Variants in RPAP2 observed in about 807,000 individuals in gnomAD.
The protein encoded by RPAP2 is RNA polymerase II associated protein 2.
In RPAP2, 52 loss-of-function variants were observed where a neutral mutation model predicts 73.1. That is an observed-to-expected ratio of 0.71 (90% CI 0.57 to 0.90). The LOEUF (loss-of-function observed/expected upper bound fraction) is 0.90. Ranked by LOEUF, RPAP2 falls within the 40% of genes least tolerant of loss-of-function variation. The pLI, the probability that RPAP2 is intolerant of heterozygous loss-of-function variation, is 0.00. For missense variants in RPAP2, 598 were observed against 701.8 expected, an observed-to-expected ratio of 0.85 and a Z score of 1.67; for synonymous variants, 225 against 242.1, an observed-to-expected ratio of 0.93 and a Z score of 0.65.
intron 11 of RPAP2, among the ~76,000 whole-genome samples, chr1:92,357,987 C>T (rs771371996): frequency 6.6e-6 from 1 of 152,246 alleles, no homozygotes; most frequent in South Asian, 2.1e-4. Context: ...GGTGCAGTGG[C>T]GTGATCATAG....
At position 92,323,391 on chromosome 1, in the gene RPAP2, G is replaced by A. The variant is rs181317777; in HGVS notation, c.525-54G>A. 1.2e-4 allele frequency: 148 copies of A among 1,275,672 alleles called. No individual in the cohort carries two copies. The highest frequency in any genetic ancestry group is 1.5e-4 in the Non-Finnish European group (142 of 921,946). 79.0% of individuals were successfully genotyped at this position (1,275,672 alleles called of 1,614,324 possible). A position where few individuals can be genotyped will look rare whatever the true frequency, so the allele number is the denominator to read the frequency against. On this transcript the variant is annotated intron_variant, in intron 7 of 12. Transcript: ENST00000610020. ...GGTACTTTACTTTTCTATTGTTTTC[G>A]GGTTTTATTTGCTATTTTTTATTTA...
chr1:92,382,777 A>G (rs1655700947), intron 12 of RPAP2, among the ~76,000 whole-genome samples: 1 of 152,006 alleles, frequency 6.6e-6, no homozygotes. Flanking sequence ...GTTTAATTAG[A>G]TCCCATTTGT....
In RPAP2 at chr1:92,321,306, A is replaced by AT. The variant is rs560184451; in HGVS notation, c.524+679dup. On this transcript the variant is annotated intron_variant, in intron 7 of 12. Coordinates refer to ENST00000610020, the MANE Select transcript of RPAP2 (RefSeq NM_024813.3). ...AATACATGAAAGTTAAATTGTTCTA[A>AT]TTTTTTTGAGCTTACACCTATTTTT... Among the ~76,000 whole-genome samples the AT allele has an allele frequency of 1.8e-3, 272 of 152,254 alleles. 3 individuals carry two copies. Among genetic ancestry groups the AT allele is most frequent in the African/African-American group, 6.0e-3 (249 of 41,548 alleles).
intron 6 of RPAP2, among the ~76,000 whole-genome samples, chr1:92,315,914 T>A (rs1651880544): frequency 6.6e-6 from 1 of 152,202 alleles, no homozygotes; most frequent in Non-Finnish European, 1.5e-5. Context: ...CTGTGATGCT[T>A]CTCATCTTGT....
At chr1:92,385,198 C>T (rs966710780) in intron 12 of RPAP2, among the ~76,000 whole-genome samples, 5 of 149,154 alleles carry the variant, frequency 3.4e-5, no homozygotes, top group Admixed American at 3.4e-4. Flanking sequence ...AAAGAGGTTT[C>T]TATTTCAGAC....
At chr1:92,368,584 A>G (rs556040785) in intron 11 of RPAP2, among the ~76,000 whole-genome samples, 13 of 152,324 alleles carry the variant, frequency 8.5e-5, no homozygotes, top group African/African-American at 2.9e-4. Context: ...GAGTTTGTAC[A>G]GCTCTAAATC....
intron 11 of RPAP2, among the ~76,000 whole-genome samples, chr1:92,354,244 C>T (rs1364664978): frequency 3.9e-5 from 6 of 152,116 alleles, no homozygotes; most frequent in Non-Finnish European, 4.4e-5. Context: ...ACCTTAGCAT[C>T]GGGGTCTGCC....
At chr1:92,358,874 A>G (rs1654612159) in intron 11 of RPAP2, among the ~76,000 whole-genome samples, 2 of 152,222 alleles carry the variant, frequency 1.3e-5, no homozygotes, top group African/African-American at 4.8e-5. Flanking sequence ...GGTGTGAGCC[A>G]CCATGCCCAG....
At position 92,395,378 on chromosome 1, in the gene RPAP2, G is replaced by A. The variant is rs1275015805; in HGVS notation, c.*8367G>A. 2.0e-5 allele frequency: 3 copies of A among 152,098 alleles called. No individual in the cohort carries two copies. Among genetic ancestry groups the A allele is most frequent in the African/African-American group, 7.2e-5 (3 of 41,434 alleles). 9.4% of individuals were successfully genotyped at this position (152,098 alleles called of 1,614,324 possible). On this transcript the variant is annotated 3_prime_UTR_variant, in exon 13 of 13. Coordinates refer to ENST00000610020, the MANE Select transcript of RPAP2 (RefSeq NM_024813.3). ...TGGCCCGGGGAGGTGGTTCACATCT[G>A]AAATCCCTGCACTTTCGGAAGCCAA... is the stretch of plus-strand genomic sequence containing the variant.
chr1:92,345,991 T>A, intron 11 of RPAP2, 77 bp downstream of exon 11: 1 of 1,038,620 alleles, frequency 9.6e-7, no homozygotes, highest in South Asian at 1.4e-5. Context: ...AGTGATCCAC[T>A]GATTTTGTAA....
rs180965548 is a variant in RPAP2 at position 92,399,017 on chromosome 1, T to C, written c.*12006T>C. On this transcript the variant is annotated 3_prime_UTR_variant, in exon 13 of 13. Coordinates refer to ENST00000610020, the MANE Select transcript of RPAP2 (RefSeq NM_024813.3). ...CCTTCCCTCAGCAAAAATACTGTGT[T>C]TTGGAAAACATTACCAATAAAGGAG... 1 of 152,238 alleles carries C rather than the reference T, an allele frequency of 6.6e-6. No individual in the cohort carries two copies. Among genetic ancestry groups the C allele is most frequent in the Admixed American group, 6.5e-5 (1 of 15,278 alleles). 9.4% of individuals were successfully genotyped at this position (152,238 alleles called of 1,614,324 possible).
intron 6 of RPAP2, among the ~76,000 whole-genome samples, chr1:92,316,666 A>G (rs148344943): frequency 2.6e-5 from 4 of 152,326 alleles, no homozygotes; most frequent in East Asian, 3.9e-4. Context: ...TTTCACAACT[A>G]TCTTCAGGAC....
In RPAP2 at chr1:92,348,331, C is replaced by G. The variant is rs1295978305; in HGVS notation, c.1688+2417C>G. ...TCCTAGTCATTGGTCAACTGGACAACTAAAATCTTCCCCAGTTAGGGGAAA... is the reference window on the plus strand; with the variant it reads ...TCCTAGTCATTGGTCAACTGGACAAGTAAAATCTTCCCCAGTTAGGGGAAA... On this transcript the variant is annotated intron_variant, in intron 11 of 12. Coordinates refer to ENST00000610020, the MANE Select transcript of RPAP2 (RefSeq NM_024813.3). Among the ~76,000 whole-genome samples the G allele has an allele frequency of 2.6e-5, 4 of 152,380 alleles. No homozygotes were observed. In the Middle Eastern group the frequency reaches 0.014, roughly 518 times the overall value.
intron 11 of RPAP2, chr1:92,363,729 G>T: frequency 2.7e-6 from 1 of 367,030 alleles, no homozygotes; most frequent in South Asian, 2.2e-5. Context: ...GTGAAGACAA[G>T]GATAAAGACC....
chr1:92,363,396 A>C (rs910400365), intron 11 of RPAP2, among the ~76,000 whole-genome samples: 5 of 152,218 alleles, frequency 3.3e-5, no homozygotes, highest in African/African-American at 1.2e-4. Flanking sequence ...AATAGTGTGA[A>C]CAGGAGAGAA....
intron 6 of RPAP2, among the ~76,000 whole-genome samples, chr1:92,317,136 C>A (rs980157408): frequency 9.2e-5 from 14 of 152,088 alleles, no homozygotes; most frequent in African/African-American, 3.4e-4. Context: ...TAATTCGAAT[C>A]CTAGATTTAC....
At chr1:92,352,709 A>C (rs1234036244) in intron 11 of RPAP2, among the ~76,000 whole-genome samples, 1 of 152,194 alleles carries the variant, frequency 6.6e-6, no homozygotes, top group Non-Finnish European at 1.5e-5. Flanking sequence ...TATACAGTTC[A>C]TCATTTGTAT....
At chr1:92,308,037 T>C (rs899686923) in intron 6 of RPAP2, among the ~76,000 whole-genome samples, 3 of 150,886 alleles carry the variant, frequency 2.0e-5, no homozygotes, top group Non-Finnish European at 4.4e-5. Context: ...ACTAATGACC[T>C]AAACATAATG....
intron 12 of RPAP2, among the ~76,000 whole-genome samples, chr1:92,382,511 T>G (rs1212075175): frequency 1.3e-5 from 2 of 152,188 alleles, no homozygotes; most frequent in Non-Finnish European, 2.9e-5. Context: ...TGCATTTCTC[T>G]GATGGCCAGT....
Sources: allele counts gnomAD v4.1 joint callset (sites outside exome capture counted in the v4.1 genomes callset), GRCh38; gene constraint gnomAD v4.1.1; transcripts MANE v1.5; gene names NCBI Gene and HGNC (gene_info 2026-07-23, HGNC 2026-07-21).